The following DSE variants were observed in gnomAD, a reference collection of about 807,000 sequenced individuals.
DSE encodes dermatan sulfate epimerase.
In DSE, 36 loss-of-function variants were observed where a neutral mutation model predicts 84.4. That is an observed-to-expected ratio of 0.43 (90% confidence interval 0.33 to 0.56). The LOEUF (loss-of-function observed/expected upper bound fraction) is 0.56. Ranked by LOEUF, DSE falls within the 20% of genes least tolerant of loss-of-function variation. The pLI, the probability that DSE is intolerant of heterozygous loss-of-function variation, is 0.06. For missense variants in DSE, 862 were observed against 1,169.6 expected, an observed-to-expected ratio of 0.74 and a Z score of 3.84; for synonymous variants, 410 against 430.1, an observed-to-expected ratio of 0.95 and a Z score of 0.58.
At chr6:116,315,778 G>A (rs1337614330) in intron 2 of DSE, among the ~76,000 whole-genome samples, 1 of 152,244 alleles carries the variant, frequency 6.6e-6, no homozygotes, top group Non-Finnish European at 1.5e-5. Flanking sequence ...GAGGCAGGCA[G>A]ATGAAGAGGT....
At chr6:116,352,908 TC>T (rs1018775081) in intron 2 of DSE, among the ~76,000 whole-genome samples, 3 of 151,990 alleles carry the variant, frequency 2.0e-5, no homozygotes, top group South Asian at 2.1e-4. Flanking sequence ...TCTTTCTCCT[TC>T]CCCCCTCCTC....
At chr6:116,391,759 C>T (rs1487387422) in intron 1 of DSE, among the ~76,000 whole-genome samples, 5 of 141,558 alleles carry the variant, frequency 3.5e-5, no homozygotes, top group East Asian at 2.0e-4. Context: ...AGCGAGACTC[C>T]GTCTTAAAAA....
At chr6:116,261,685 A>C (rs1039598389) in intron 2 of DSE, among the ~76,000 whole-genome samples, 5 of 152,208 alleles carry the variant, frequency 3.3e-5, no homozygotes, top group African/African-American at 1.2e-4. Flanking sequence ...CTGCTTTTCC[A>C]GAAGAATGTG....
At chr6:116,404,144 G>A (rs1184331717) in intron 2 of DSE, among the ~76,000 whole-genome samples, 1 of 152,110 alleles carries the variant, frequency 6.6e-6, no homozygotes, top group Non-Finnish European at 1.5e-5. Context: ...TTGGTAGATG[G>A]GTTGCTATGA....
chr6:116,274,030 A>G (rs1019217210), intron 2 of DSE, among the ~76,000 whole-genome samples: 4 of 150,770 alleles, frequency 2.7e-5, no homozygotes, highest in African/African-American at 4.9e-5. Context: ...GGGTTTCACC[A>G]TGTTGGCCAG....
chr6:116,404,781 T>A (rs1781810131), intron 2 of DSE, among the ~76,000 whole-genome samples: 1 of 152,272 alleles, frequency 6.6e-6, no homozygotes, highest in African/African-American at 2.4e-5. Context: ...GTTGTCACTC[T>A]GGAGTTGTGT....
At chr6:116,421,854 T>C (rs1290085796) in intron 2 of DSE, among the ~76,000 whole-genome samples, 1 of 152,214 alleles carries the variant, frequency 6.6e-6, no homozygotes, top group Non-Finnish European at 1.5e-5. Flanking sequence ...GATTTGTTGC[T>C]ATGTGTTTTT....
At chr6:116,365,173 C>G (rs1562255893) in intron 2 of DSE, among the ~76,000 whole-genome samples, 1 of 151,750 alleles carries the variant, frequency 6.6e-6, no homozygotes, top group Non-Finnish European at 1.5e-5. Flanking sequence ...TGGTTCCAAA[C>G]TTTTGGTACA....
chr6:116,263,519 T>G (rs1462725710), intron 2 of DSE, among the ~76,000 whole-genome samples: 1 of 152,210 alleles, frequency 6.6e-6, no homozygotes, highest in African/African-American at 2.4e-5. Flanking sequence ...ATGGGTCTCT[T>G]GAAGACAGCA....
chr6:116,376,943 G>A lies in DSE; in HGVS notation c.-54+5822G>A, dbSNP rs560672789. 2.6e-5 allele frequency among the ~76,000 whole-genome samples: 4 copies of A among 152,252 alleles called. No homozygotes were observed. The South Asian group carries it at 8.3e-4, about 32-fold the overall frequency. On this transcript the variant is annotated intron_variant, in intron 1 of 5. Coordinates refer to ENST00000644252, the MANE Select transcript of DSE (RefSeq NM_013352.4). ...AAAGAGTTTGCAACTGAATGTATGT[G>A]TCTGCATGCCAACCCCCACCTTTTG...
At chr6:116,369,683 G>C (rs767526941), upstream of DSE, 2 of 301,362 alleles carry the variant, frequency 6.6e-6, no homozygotes, top group African/African-American at 4.3e-5. Context: ...CAAATTAGTG[G>C]TTCACCTGAG....
At chr6:116,294,817 A>G (rs1774554424) in intron 2 of DSE, among the ~76,000 whole-genome samples, 2 of 152,266 alleles carry the variant, frequency 1.3e-5, no homozygotes, top group South Asian at 4.2e-4. Context: ...CTCTCCTCCA[A>G]TTTCCTCTCA....
At chr6:116,429,452 A>T (rs940644935) in intron 3 of DSE, among the ~76,000 whole-genome samples, 3 of 152,192 alleles carry the variant, frequency 2.0e-5, no homozygotes, top group African/African-American at 7.2e-5. Flanking sequence ...GCTTAATTTT[A>T]TTCTCAAGGG....
rs1446129603 is a variant in DSE at position 116,344,999 on chromosome 6, A to G, written c.-53-54199A>G. 3.3e-5 allele frequency among the ~76,000 whole-genome samples: 5 copies of G among 152,214 alleles called. No individual in the cohort carries two copies. In the East Asian group the frequency reaches 9.6e-4, roughly 29 times the overall value. ...TAGTCTCTGATAAAACAGACTTTAA[A>G]CCAACAAAATCAAAAGAGACAAAGA... On this transcript the variant is annotated intron_variant, in intron 2 of 3. Coordinates refer to the DSE transcript ENST00000430252.
intron 2 of DSE, among the ~76,000 whole-genome samples, chr6:116,346,578 G>A (rs1777985406): frequency 6.6e-6 from 1 of 152,178 alleles, no homozygotes; most frequent in African/African-American, 2.4e-5. Context: ...AGCGCCTCAT[G>A]CTAAAAACTT....
intron 2 of DSE, among the ~76,000 whole-genome samples, chr6:116,408,954 G>T (rs964467292): frequency 6.6e-6 from 1 of 152,232 alleles, no homozygotes; most frequent in African/African-American, 2.4e-5. Context: ...GCGATAGTTT[G>T]TTGGAATTAA....
Position 116,344,190 on chromosome 6 carries a change from A to G in DSE, c.-53-55008A>G, listed in dbSNP as rs1261407421. 3.3e-5 allele frequency among the ~76,000 whole-genome samples: 5 copies of G among 152,244 alleles called. No individual in the cohort carries two copies. In the East Asian group the frequency reaches 9.6e-4, roughly 29 times the overall value. ...ACCTGAAAGTGACAGGGAGAATGGAACCAAGTTAGAAAACACTCTTCAGGA... is the reference window on the plus strand; with the variant it reads ...ACCTGAAAGTGACAGGGAGAATGGAGCCAAGTTAGAAAACACTCTTCAGGA... On this transcript the variant is annotated intron_variant, in intron 2 of 3. Coordinates refer to the DSE transcript ENST00000430252.
chr6:116,293,744 A>G (rs1490402204), intron 2 of DSE, among the ~76,000 whole-genome samples: 4 of 151,930 alleles, frequency 2.6e-5, no homozygotes, highest in Non-Finnish European at 4.4e-5. Flanking sequence ...TGTACTAACA[A>G]TAGAAAAATT....
chr6:116,269,999 A>C (rs1772813664), intron 2 of DSE, among the ~76,000 whole-genome samples: 1 of 150,630 alleles, frequency 6.6e-6, no homozygotes, highest in African/African-American at 2.4e-5. Context: ...AAGAAGACAC[A>C]GTCTTCTGCT....
Sources: allele counts gnomAD v4.1 joint callset (sites outside exome capture counted in the v4.1 genomes callset), GRCh38; gene constraint gnomAD v4.1.1; transcripts MANE v1.5; gene names NCBI Gene and HGNC (gene_info 2026-07-23, HGNC 2026-07-21).